Variants in ZFHX3 observed in about 807,000 individuals in gnomAD.
ZFHX3 encodes zinc finger homeobox 3, also known as zinc finger homeobox protein 3.
A neutral mutation model predicts 279.1 loss-of-function variants in ZFHX3; 42 were observed. The observed-to-expected ratio is 0.15, with a 90% confidence interval of 0.12 to 0.19. The LOEUF is 0.19. Ranked by LOEUF, ZFHX3 falls within the 10% of genes least tolerant of loss-of-function variation. ZFHX3 has a pLI of 1.00. For missense variants in ZFHX3, 4,981 were observed against 4,754.0 expected, an observed-to-expected ratio of 1.05 and a Z score of -1.40; for synonymous variants, 2,293 against 1,957.8, an observed-to-expected ratio of 1.17 and a Z score of -4.52.
intron 2 of ZFHX3, among the ~76,000 whole-genome samples, chr16:73,636,209 C>T (rs2052525812): frequency 6.6e-6 from 1 of 152,130 alleles, no homozygotes; most frequent in South Asian, 2.1e-4. Context: ...TTACTAGACT[C>T]CTCAAGATCA....
chr16:73,116,548 T>C (rs186166895), intron 7 of ZFHX3, among the ~76,000 whole-genome samples: 1 of 152,302 alleles, frequency 6.6e-6, no homozygotes, highest in African/African-American at 2.4e-5. Flanking sequence ...CTGTCATTTT[T>C]TGTACCTGGG....
chr16:73,539,181 T>C (rs1263914190), intron 2 of ZFHX3, among the ~76,000 whole-genome samples: 1 of 152,010 alleles, frequency 6.6e-6, no homozygotes, highest in African/African-American at 2.4e-5. Context: ...AACAAGGGTA[T>C]CTATGGGCTT....
chr16:73,574,322 T>C (rs568385939), intron 2 of ZFHX3, among the ~76,000 whole-genome samples: 1 of 150,002 alleles, frequency 6.7e-6, no homozygotes, highest in Admixed American at 6.6e-5. Context: ...CGGACCCGGG[T>C]GAAATTTTGT....
At chr16:73,580,351 G>A (rs557600659) in intron 2 of ZFHX3, among the ~76,000 whole-genome samples, 18 of 152,018 alleles carry the variant, frequency 1.2e-4, no homozygotes, top group East Asian at 3.9e-4. Context: ...GGCGGCGCAC[G>A]CCTGTAGTCC....
intron 7 of ZFHX3, among the ~76,000 whole-genome samples, chr16:73,103,670 C>T (rs187760728): frequency 3.1e-4 from 47 of 152,262 alleles, no homozygotes; most frequent in Non-Finnish European, 5.1e-4. Flanking sequence ...GAGCATTCTA[C>T]GGTCTGATGA....
At chr16:73,248,336 G>T (rs1372404797) in intron 5 of ZFHX3, among the ~76,000 whole-genome samples, 2 of 151,548 alleles carry the variant, frequency 1.3e-5, no homozygotes, top group African/African-American at 4.9e-5. Flanking sequence ...TATGTGGAGA[G>T]TGTGTATGTG....
At chr16:73,197,761 T>C (rs1053407288) in intron 5 of ZFHX3, among the ~76,000 whole-genome samples, 5 of 152,068 alleles carry the variant, frequency 3.3e-5, no homozygotes, top group African/African-American at 2.4e-5. Flanking sequence ...ATAGACTAAG[T>C]GGGCTGGGAA....
chr16:72,839,057 T>A (rs2037275889), intron 4 of ZFHX3, among the ~76,000 whole-genome samples: 1 of 152,194 alleles, frequency 6.6e-6, no homozygotes, highest in Middle Eastern at 3.2e-3. Flanking sequence ...TCCCTTGGAT[T>A]TCTACAGAGC....
chr16:73,781,822 A>T (rs572767820), intron 1 of ZFHX3, among the ~76,000 whole-genome samples: 11 of 152,256 alleles, frequency 7.2e-5, no homozygotes, highest in African/African-American at 2.6e-4. Flanking sequence ...CCCCGTCTCT[A>T]CTAAAAATAC....
intron 7 of ZFHX3, among the ~76,000 whole-genome samples, chr16:73,112,195 A>G (rs1966382925): frequency 6.7e-6 from 1 of 149,286 alleles, no homozygotes; most frequent in African/African-American, 2.6e-5. Context: ...GAGGGATAAG[A>G]AGGAGAGAAA....
intron 3 of ZFHX3, among the ~76,000 whole-genome samples, chr16:73,338,205 C>T (rs1336608990): frequency 6.6e-6 from 1 of 152,158 alleles, no homozygotes; most frequent in Non-Finnish European, 1.5e-5. Context: ...CGTGGACCCT[C>T]AGCCCTGCCT....
intron 3 of ZFHX3, among the ~76,000 whole-genome samples, chr16:72,927,819 G>A (rs193037514): frequency 7.4e-4 from 112 of 152,120 alleles, no homozygotes; most frequent in African/African-American, 2.6e-3. Flanking sequence ...AGTGGCTCAT[G>A]TATTTACAAA....
chr16:73,294,907 T>A (rs1407428072), intron 4 of ZFHX3, among the ~76,000 whole-genome samples: 1 of 150,462 alleles, frequency 6.6e-6, no homozygotes, highest in East Asian at 2.0e-4. Context: ...CATGGACGGA[T>A]ATTAGTCTCA....
chr16:73,839,351 AAAAAAAAAAAAAAAAG>A (rs1961236253), intron 1 of ZFHX3, among the ~76,000 whole-genome samples: 2 of 142,046 alleles, frequency 1.4e-5, no homozygotes, highest in African/African-American at 5.1e-5. Flanking sequence ...AAAAAAAAAA[AAAAAAAAAAAAAAAAG>A]TTAGGTCTGC....
chr16:73,168,619 C>T (rs548459627), intron 5 of ZFHX3, among the ~76,000 whole-genome samples: 1 of 152,158 alleles, frequency 6.6e-6, no homozygotes, highest in African/African-American at 2.4e-5. Context: ...ATTCTCTTCT[C>T]TCCATTCTCT....
At position 72,784,892 on chromosome 16, in the gene ZFHX3, A is replaced by AAAAAT. The variant is rs1300436463; in HGVS notation, c.*2267_*2271dup. 72 of 152,716 alleles carry AAAAAT rather than the reference A, an allele frequency of 4.7e-4. 1 individual carries two copies. Among genetic ancestry groups the AAAAAT allele is most frequent in the African/African-American group, 1.5e-3 (61 of 41,588 alleles). 9.5% of individuals were successfully genotyped at this position (152,716 alleles called of 1,614,324 possible). A position where few individuals can be genotyped will look rare whatever the true frequency, so the allele number is the denominator to read the frequency against. ...TTCATTAAACTAAAAACAAATTCATAAAAATAAAATAGTCCCGGCTAAAAA... is the reference window on the plus strand; with the variant it reads ...TTCATTAAACTAAAAACAAATTCATAAAAATAAAATAAAATAGTCCCGGCTAAAAA... On this transcript the variant is annotated 3_prime_UTR_variant, in exon 10 of 10. Transcript: ENST00000268489.
At chr16:73,333,832 G>C (rs1426943735) in intron 3 of ZFHX3, among the ~76,000 whole-genome samples, 1 of 140,558 alleles carries the variant, frequency 7.1e-6, no homozygotes, top group African/African-American at 2.6e-5. Context: ...AAAAAAAAAA[G>C]GTGGTCCCTT....
At chr16:72,914,896 C>A (rs2039404400) in intron 3 of ZFHX3, among the ~76,000 whole-genome samples, 1 of 152,118 alleles carries the variant, frequency 6.6e-6, no homozygotes. Flanking sequence ...GTGGCTGAGG[C>A]AGGAGAATTG....
intron 2 of ZFHX3, among the ~76,000 whole-genome samples, chr16:73,613,784 A>C (rs896916977): frequency 2.6e-5 from 4 of 152,142 alleles, no homozygotes; most frequent in African/African-American, 9.7e-5. Context: ...CGCATTTCAC[A>C]AGTAGTATTG....
Sources: allele counts gnomAD v4.1 joint callset (sites outside exome capture counted in the v4.1 genomes callset), GRCh38; gene constraint gnomAD v4.1.1; transcripts MANE v1.5; gene names NCBI Gene and HGNC (gene_info 2026-07-23, HGNC 2026-07-21).